BICC1: variants seen among roughly 807,000 people sequenced by gnomAD.
BICC1 encodes BicC family RNA binding protein 1.
In BICC1, 43 loss-of-function variants were observed where a neutral mutation model predicts 111.0. The ratio of observed to expected loss-of-function variants is 0.39; its 90% CI spans 0.30 to 0.50. The LOEUF is 0.50. Among genes scored for constraint, BICC1 ranks in the 20% least tolerant of loss-of-function variants. The probability of loss-of-function intolerance (pLI) is 0.88; values close to 1 mark genes in which losing one functional copy is unlikely to be tolerated. For synonymous variants in BICC1, 467 were observed against 434.4 expected (o/e 1.07, Z -0.93); for missense variants, 1,091 against 1,203.2 (o/e 0.91, Z 1.38).
At position 58,793,510 on chromosome 10, in the gene BICC1, T is replaced by A; in HGVS notation, c.1074T>A (p.Phe358Leu). The change falls in exon 9 of 21, where the codon TTT becomes TTA. Residue 358 changes from phenylalanine to leucine, a missense_variant. By Grantham distance (22) the Phe-to-Leu change is conservative (BLOSUM62 0). Coordinates refer to ENST00000373886, the MANE Select transcript of BICC1 (RefSeq NM_001080512.3). Reference sequence around the variant, plus strand: ...GTTGTCTTCCTCTTGTGTTGATGTTTGATATGAAGGAAGAAATTGAAGTAG... The same window carrying A: ...GTTGTCTTCCTCTTGTGTTGATGTTAGATATGAAGGAAGAAATTGAAGTAG... ...LMGCLPLVLM[F>L]DMKEEIEVDP... 2 of 1,612,630 alleles carry A rather than the reference T, an allele frequency of 1.2e-6. No individual in the cohort carries two copies. Among genetic ancestry groups the A allele is most frequent in the Non-Finnish European group, 1.7e-6 (2 of 1,179,060 alleles).
chr10:58,560,023 CT>C (rs936886877), intron 1 of BICC1, among the ~76,000 whole-genome samples: 154 of 141,720 alleles, frequency 1.1e-3, no homozygotes, highest in East Asian at 2.0e-3. Context: ...TTGCAGTATT[CT>C]TTTTTTTTTT....
intron 2 of BICC1, among the ~76,000 whole-genome samples, chr10:58,641,035 C>A (rs1838106548): frequency 6.6e-6 from 1 of 152,142 alleles, no homozygotes; most frequent in Non-Finnish European, 1.5e-5. Flanking sequence ...TATTTTCTTT[C>A]AATTGTCTTT....
At chr10:58,817,329 T>A (rs1050138850) in intron 18 of BICC1, among the ~76,000 whole-genome samples, 1 of 152,166 alleles carries the variant, frequency 6.6e-6, no homozygotes, top group Non-Finnish European at 1.5e-5. Flanking sequence ...TGTTGCTGAA[T>A]TTCTGCCTCC....
At chr10:58,801,833 A>T (rs1843557375) in intron 14 of BICC1, among the ~76,000 whole-genome samples, 1 of 152,066 alleles carries the variant, frequency 6.6e-6, no homozygotes, top group Non-Finnish European at 1.5e-5. Context: ...GTTCTCCTTT[A>T]TCTGTGTTTT....
intron 12 of BICC1, 83 bp from the exon 13 acceptor site, chr10:58,800,111 G>A: frequency 8.9e-7 from 1 of 1,129,708 alleles, no homozygotes; most frequent in Non-Finnish European, 1.2e-6. Flanking sequence ...TTTCGTGGCT[G>A]TTATAAATGG....
chr10:58,830,200 A>G lies in BICC1; in HGVS notation c.*1309A>G, dbSNP rs1008656300. On this transcript the variant is annotated 3_prime_UTR_variant, in exon 21 of 21. Transcript: ENST00000373886. ...TGGCTAGAGTCATTATTACAATCTT[A>G]TACTGTGAAAGTCCAAGAAATCAGG... 1 of 152,164 alleles carries G rather than the reference A, an allele frequency of 6.6e-6. No homozygotes were observed. 9.4% of individuals were successfully genotyped at this position (152,164 alleles called of 1,614,324 possible). A position where few individuals can be genotyped will look rare whatever the true frequency, so the allele number is the denominator to read the frequency against.
chr10:58,735,310 T>G (rs77874184), intron 3 of BICC1, among the ~76,000 whole-genome samples: 1 of 152,292 alleles, frequency 6.6e-6, no homozygotes, highest in African/African-American at 2.4e-5. Flanking sequence ...GCTGGAAATA[T>G]TCCCCCGTCT....
Position 58,831,312 on chromosome 10 carries a change from C to G in BICC1, c.*2421C>G, listed in dbSNP as rs1260581461. 6.6e-6 allele frequency: 1 copy of G among 151,814 alleles called. No homozygotes were observed. Among genetic ancestry groups the G allele is most frequent in the African/African-American group, 2.4e-5 (1 of 41,318 alleles). The allele number at this position is 151,814 out of a possible 1,614,324, so 9.4% of individuals were successfully genotyped here. Reference sequence around the variant, plus strand: ...TTGTATTTTTCTGTGGGTTTTTGTCCTTTTAGTGATTTTTTTCCAAAAACG... The same window carrying G: ...TTGTATTTTTCTGTGGGTTTTTGTCGTTTTAGTGATTTTTTTCCAAAAACG... On this transcript the variant is annotated 3_prime_UTR_variant, in exon 21 of 21. Coordinates refer to ENST00000373886, the MANE Select transcript of BICC1 (RefSeq NM_001080512.3).
chr10:58,697,878 A>G (rs1200156119), intron 2 of BICC1, among the ~76,000 whole-genome samples: 3 of 151,264 alleles, frequency 2.0e-5, no homozygotes, highest in Non-Finnish European at 4.4e-5. Flanking sequence ...TCCTAGACCA[A>G]ACTCCACCCA....
chr10:58,798,588 T>A (rs2132857768), intron 11 of BICC1, 28 bp downstream of exon 11: 1 of 1,529,746 alleles, frequency 6.5e-7, no homozygotes, highest in South Asian at 1.3e-5. Flanking sequence ...ATATTCCAAG[T>A]TGTGTATTCT....
chr10:58,683,932 A>G (rs1467690859), intron 2 of BICC1, among the ~76,000 whole-genome samples: 1 of 152,160 alleles, frequency 6.6e-6, no homozygotes, highest in African/African-American at 2.4e-5. Context: ...GTGGTGAGAG[A>G]GGGCATCCCT....
chr10:58,631,542 T>G (rs1837795824), intron 2 of BICC1, among the ~76,000 whole-genome samples: 1 of 152,158 alleles, frequency 6.6e-6, no homozygotes, highest in African/African-American at 2.4e-5. Context: ...TACATATGGC[T>G]TTTCTTCTTA....
At chr10:58,642,345 T>C (rs936616657) in intron 2 of BICC1, among the ~76,000 whole-genome samples, 2 of 152,076 alleles carry the variant, frequency 1.3e-5, no homozygotes, top group African/African-American at 4.8e-5. Context: ...GATCTTAGCT[T>C]GTCTTCCCTG....
chr10:58,538,134 A>G (rs897675145), intron 1 of BICC1, among the ~76,000 whole-genome samples: 2 of 152,058 alleles, frequency 1.3e-5, no homozygotes, highest in Non-Finnish European at 1.5e-5. Flanking sequence ...TAAAATTCAC[A>G]TGGAACCAAA....
chr10:58,653,480 A>G (rs115264125), intron 2 of BICC1, among the ~76,000 whole-genome samples: 1,880 of 152,200 alleles, frequency 0.012, 37 homozygotes, highest in African/African-American at 0.043. Context: ...TAAGCATCAA[A>G]CTGTGCACCC....
At chr10:58,604,943 A>G (rs1845160981) in intron 1 of BICC1, among the ~76,000 whole-genome samples, 1 of 152,106 alleles carries the variant, frequency 6.6e-6, no homozygotes, top group Non-Finnish European at 1.5e-5. Flanking sequence ...CATGTGGTGG[A>G]AGGCAAGAGG....
intron 20 of BICC1, among the ~76,000 whole-genome samples, chr10:58,820,956 A>T (rs544255368): frequency 1.3e-5 from 2 of 152,290 alleles, no homozygotes; most frequent in African/African-American, 4.8e-5. Context: ...CTGTCTTAAT[A>T]GAATTTATGA....
intron 1 of BICC1, among the ~76,000 whole-genome samples, chr10:58,596,892 G>C (rs1027634250): frequency 3.9e-5 from 6 of 152,138 alleles, no homozygotes; most frequent in African/African-American, 1.4e-4. Flanking sequence ...CACTGCTCAA[G>C]GAAATAGGAG....
chr10:58,712,500 A>G (rs1294403785), intron 3 of BICC1, among the ~76,000 whole-genome samples: 1 of 152,166 alleles, frequency 6.6e-6, no homozygotes, highest in Non-Finnish European at 1.5e-5. Context: ...ACGTTGACAC[A>G]ATGAAATATT....
Sources: gnomAD v4.1 joint callset for allele counts (sites outside exome capture counted in the v4.1 genomes callset) on GRCh38, gnomAD v4.1.1 for gene constraint, MANE v1.5 for transcripts, NCBI Gene and HGNC (gene_info 2026-07-23, HGNC 2026-07-21) for gene names.